Variants in NFIB observed in about 807,000 individuals in gnomAD.
NFIB encodes the protein nuclear factor I B.
A neutral mutation model predicts 61.5 loss-of-function variants in NFIB; 11 were observed. That is an observed-to-expected ratio of 0.18 (90% CI 0.11 to 0.30). The LOEUF is 0.30. NFIB is among the 10% of genes least tolerant of loss of function. The pLI, the probability that NFIB is intolerant of heterozygous loss-of-function variation, is 1.00. For synonymous variants in NFIB, 260 were observed against 216.5 expected, an observed-to-expected ratio of 1.20 and a Z score of -1.76; for missense variants, 471 against 608.9, an observed-to-expected ratio of 0.77 and a Z score of 2.38.
At chr9:14,232,000 C>T (rs140376033) in intron 2 of NFIB, among the ~76,000 whole-genome samples, 2,042 of 152,298 alleles carry the variant, frequency 0.013, 30 homozygotes, top group Non-Finnish European at 0.022. Context: ...ACAAGGTCTT[C>T]GCCAACAACA....
At chr9:14,402,349 A>C (rs1359947112), upstream of NFIB, among the ~76,000 whole-genome samples, 1 of 152,198 alleles carries the variant, frequency 6.6e-6, no homozygotes, top group Admixed American at 6.5e-5. Context: ...TTCTCTTTTC[A>C]CCTTCTTTGA....
intron 1 of NFIB, among the ~76,000 whole-genome samples, chr9:14,387,303 C>G (rs564780701): frequency 3.9e-5 from 6 of 152,174 alleles, no homozygotes; most frequent in African/African-American, 7.2e-5. Context: ...GTAGCAAGCA[C>G]GGTGACATCA....
chr9:14,314,297 C>T, upstream of NFIB: 1 of 335,556 alleles, frequency 3.0e-6, no homozygotes, highest in Non-Finnish European at 4.2e-6. Flanking sequence ...GCAGCCGCCG[C>T]CGCCCGCGCC....
chr9:14,458,135 C>G, the NFIB span, among the ~76,000 whole-genome samples: 1 of 152,124 alleles, frequency 6.6e-6, no homozygotes, highest in African/African-American at 2.4e-5. Flanking sequence ...ACTGGCAAAC[C>G]AAATCCAGCA....
intron 2 of NFIB, among the ~76,000 whole-genome samples, chr9:14,243,719 A>C (rs547216740): frequency 6.6e-6 from 1 of 152,252 alleles, no homozygotes; most frequent in South Asian, 2.1e-4. Context: ...TCGTCCTAAG[A>C]AATCCCAACC....
At chr9:14,415,268 C>T in the NFIB span, among the ~76,000 whole-genome samples, 31 of 152,320 alleles carry the variant, frequency 2.0e-4, no homozygotes, top group Admixed American at 2.0e-4. Context: ...TGGACTTTCT[C>T]ATCATGACCA....
chr9:14,509,405 C>G, the NFIB span, among the ~76,000 whole-genome samples: 1 of 152,192 alleles, frequency 6.6e-6, no homozygotes, highest in Admixed American at 6.5e-5. Context: ...CCATACCATT[C>G]CTTGCTACTG....
At chr9:14,370,160 A>G (rs2061343632) in intron 1 of NFIB, among the ~76,000 whole-genome samples, 1 of 152,198 alleles carries the variant, frequency 6.6e-6, no homozygotes, top group Non-Finnish European at 1.5e-5. Context: ...TTACTGGCTC[A>G]TTCCTGAAAG....
intron 1 of NFIB, among the ~76,000 whole-genome samples, chr9:14,352,790 G>C (rs1176032882): frequency 6.6e-6 from 1 of 152,216 alleles, no homozygotes; most frequent in Non-Finnish European, 1.5e-5. Flanking sequence ...ACATACAGCT[G>C]CTTTTCAAAG....
At chr9:14,445,133 G>T in the NFIB span, among the ~76,000 whole-genome samples, 6 of 152,178 alleles carry the variant, frequency 3.9e-5, no homozygotes, top group East Asian at 7.7e-4. Context: ...TTTGTTGCTG[G>T]TATATAGGAA....
At chr9:14,463,420 C>T in the NFIB span, among the ~76,000 whole-genome samples, 1 of 151,472 alleles carries the variant, frequency 6.6e-6, no homozygotes, top group African/African-American at 2.4e-5. Context: ...TTTCAATGAA[C>T]ATTTAACAGG....
At chr9:14,376,314 T>G (rs2061418536) in intron 1 of NFIB, among the ~76,000 whole-genome samples, 1 of 152,208 alleles carries the variant, frequency 6.6e-6, no homozygotes, top group African/African-American at 2.4e-5. Context: ...ACATAATTTT[T>G]AAAAAAGTTA....
At chr9:14,343,443 T>C (rs1284344931) in intron 1 of NFIB, among the ~76,000 whole-genome samples, 1 of 152,128 alleles carries the variant, frequency 6.6e-6, no homozygotes, top group East Asian at 1.9e-4. Context: ...AGGTTTTCCC[T>C]GTAGCAGACA....
intron 6 of NFIB, among the ~76,000 whole-genome samples, chr9:14,140,639 G>T (rs987004633): frequency 6.6e-6 from 1 of 152,138 alleles, no homozygotes; most frequent in African/African-American, 2.4e-5. Context: ...ACTCACATTA[G>T]GAAATGCTGG....
chr9:14,494,149 A>C, the NFIB span, among the ~76,000 whole-genome samples: 6 of 152,238 alleles, frequency 3.9e-5, no homozygotes, highest in Non-Finnish European at 8.8e-5. Context: ...TCCTCCACTC[A>C]TTAGGCAAGT....
intron 1 of NFIB, among the ~76,000 whole-genome samples, chr9:14,364,797 A>C (rs1473320587): frequency 1.3e-5 from 2 of 152,226 alleles, no homozygotes; most frequent in Admixed American, 6.5e-5. Flanking sequence ...ATTAGAATAA[A>C]AAGAAATTTT....
chr9:14,368,574 A>G (rs546556725), intron 1 of NFIB, among the ~76,000 whole-genome samples: 46 of 152,306 alleles, frequency 3.0e-4, no homozygotes, highest in South Asian at 8.3e-4. Flanking sequence ...TTGAACTGAT[A>G]AGCATTTCTC....
Position 14,120,801 on chromosome 9 carries a change from T to C in NFIB, c.1061-177A>G, listed in dbSNP as rs1288998440. The stretch of plus-strand genomic sequence containing the variant: ...TTTTCATTTTTATTCTCAACACCAG[T>C]ACGGCTAACTACACAGAGATAAAAC... On this transcript the variant is annotated intron_variant, in intron 7 of 10. Transcript: ENST00000380953. This position sits in a 1 kb window ranked among gnomAD's most constrained non-coding sequence, Gnocchi z 4.4. 1.3e-5 allele frequency among the ~76,000 whole-genome samples: 2 copies of C among 152,192 alleles called. No homozygotes were observed. The highest frequency in any genetic ancestry group is 4.8e-5 in the African/African-American group (2 of 41,438).
intron 2 of NFIB, among the ~76,000 whole-genome samples, chr9:14,293,289 C>A (rs2059216144): frequency 2.0e-5 from 3 of 152,290 alleles, no homozygotes; most frequent in Admixed American, 2.0e-4. Context: ...TAGTCCCAGG[C>A]ACATGGTCGA....
Sources: allele counts gnomAD v4.1 joint callset (sites outside exome capture counted in the v4.1 genomes callset), GRCh38; gene constraint gnomAD v4.1.1; non-coding constraint Gnocchi (gnomAD v3.1); transcripts MANE v1.5; gene names NCBI Gene and HGNC (gene_info 2026-07-23, HGNC 2026-07-21).